The following CCDC40 variants were observed in gnomAD, a reference collection of about 807,000 sequenced individuals.
The protein encoded by CCDC40 is coiled-coil domain 40 molecular ruler complex subunit.
Under a neutral mutation model 124.5 loss-of-function variants are expected in CCDC40, and 104 were observed. The ratio of observed to expected loss-of-function variants is 0.84; its 90% confidence interval spans 0.71 to 0.98. CCDC40 has a LOEUF of 0.98. Ranked by LOEUF, CCDC40 falls within the 50% of genes least tolerant of loss-of-function variation. The pLI is 0.00. For missense variants in CCDC40, 1,463 were observed against 1,503.9 expected (o/e 0.97, Z 0.45); for synonymous variants, 580 against 602.9 (o/e 0.96, Z 0.56).
intron 10 of CCDC40, among the ~76,000 whole-genome samples, chr17:80,074,260 C>A (rs537277067): frequency 1.2e-4 from 18 of 152,278 alleles, no homozygotes; most frequent in African/African-American, 4.3e-4. Flanking sequence ...CCTGTAATCC[C>A]AGCACTTTGG....
intron 13 of CCDC40, 106 bp from the exon 14 acceptor site, chr17:80,085,897 T>TGAC: frequency 1.9e-6 from 2 of 1,025,838 alleles, no homozygotes; most frequent in Non-Finnish European, 3.1e-6. Context: ...CTTGAACTCC[T>TGAC]GACCTCGGGT....
intron 17 of CCDC40, 92 bp downstream of exon 17, chr17:80,089,976 G>C: frequency 6.4e-7 from 1 of 1,557,842 alleles, no homozygotes; most frequent in Non-Finnish European, 8.7e-7. Context: ...GCTCTCCCGG[G>C]GCTCCTGTGG....
intron 16 of CCDC40, among the ~76,000 whole-genome samples, chr17:80,089,346 T>A (rs946592484): frequency 6.6e-6 from 1 of 152,226 alleles, no homozygotes. Context: ...TGATAGAATC[T>A]AGGCAAAAAA....
At chr17:80,099,117 CT>C (rs1437099998) in intron 19 of CCDC40, among the ~76,000 whole-genome samples, 1 of 123,012 alleles carries the variant, frequency 8.1e-6, no homozygotes, top group African/African-American at 3.7e-5. Context: ...CCTGTCTCTA[CT>C]AAAAAAAAAA....
At chr17:80,071,441 C>T (rs2038184328) in intron 10 of CCDC40, among the ~76,000 whole-genome samples, 1 of 152,226 alleles carries the variant, frequency 6.6e-6, no homozygotes, top group South Asian at 2.1e-4. Flanking sequence ...CGGCCTTGAC[C>T]ACAGGCTGCT....
intron 9 of CCDC40, among the ~76,000 whole-genome samples, chr17:80,064,336 A>G (rs974367156): frequency 6.6e-6 from 1 of 152,146 alleles, no homozygotes; most frequent in African/African-American, 2.4e-5. Context: ...GGCGTTCTAC[A>G]GGACGCCCCA....
Position 80,095,373 on chromosome 17 carries a change from G to A in CCDC40, c.2943G>A (p.Met981Ile). The A allele has an allele frequency of 1.2e-6, 2 of 1,614,140 alleles. No individual in the cohort carries two copies. Among genetic ancestry groups the A allele is most frequent in the Non-Finnish European group, 1.7e-6 (2 of 1,180,056 alleles). Residue 981 changes from methionine (M) to isoleucine (I), a missense_variant, in exon 18 of 20, where the codon ATG becomes ATA. Coordinates refer to ENST00000397545, the MANE Select transcript of CCDC40 (RefSeq NM_017950.4). ...CCCAGGCCGAGGGGCAGCGCAAGAT[G>A]GACAGGAAGGCGCTCACCCGCACCG... ...VTTQAEGQRK[M>I]DRKALTRTDF...
At chr17:80,082,080 G>A in intron 12 of CCDC40, 22 bp downstream of exon 12, 1 of 1,610,758 alleles carries the variant, frequency 6.2e-7, no homozygotes, top group Non-Finnish European at 8.5e-7. Flanking sequence ...CCCCAGGGAG[G>A]GGCTGTGCGA....
chr17:80,050,058 G>T lies in CCDC40; in HGVS notation c.940-6G>T. The T allele has an allele frequency of 6.2e-7, 1 of 1,613,946 alleles. No individual in the cohort carries two copies. The highest frequency in any genetic ancestry group is 8.5e-7 in the Non-Finnish European group (1 of 1,179,958). ...CCTGGTGACCCTGTTTCTCTCTTTG[G>T]TCCAGGTTGTGGCTACCAAGCAGAG... On this transcript the variant is annotated splice_polypyrimidine_tract_variant and splice_region_variant and intron_variant, in intron 6 of 19. Transcript: ENST00000397545.
At chr17:80,080,308 C>T (rs990006334) in intron 10 of CCDC40, among the ~76,000 whole-genome samples, 10 of 152,164 alleles carry the variant, frequency 6.6e-5, no homozygotes, top group Admixed American at 1.3e-4. Flanking sequence ...CATGCTGAGG[C>T]GTAAGAATGA....
At chr17:80,052,735 G>A (rs2044104) in intron 7 of CCDC40, among the ~76,000 whole-genome samples, 48,517 of 151,844 alleles carry the variant, frequency 0.32, 10,548 homozygotes, top group African/African-American at 0.62. Context: ...TTTAGAGGAC[G>A]TTGTATCCGT....
At chr17:80,061,048 G>A (rs956137692) in intron 9 of CCDC40, among the ~76,000 whole-genome samples, 4 of 152,144 alleles carry the variant, frequency 2.6e-5, no homozygotes, top group African/African-American at 9.7e-5. Context: ...GAACCTTAAA[G>A]GAAAAGACTA....
In CCDC40 at chr17:80,084,935, G is replaced by A; in HGVS notation, c.2182G>A (p.Gly728Arg). ...CACGATCCTGATCGAGAGGAAGCAA[G>A]GGCTCATCAACTTCCTCAACAAGCA... ...RRTILIERKQ[G>R]LINFLNKQLE... The change falls in exon 13 of 20, where the codon GGG (glycine) becomes AGG (arginine). Residue 728 changes from glycine to arginine, a missense_variant. By Grantham distance (125) the Gly-to-Arg change is moderately radical. Coordinates refer to ENST00000397545, the MANE Select transcript of CCDC40 (RefSeq NM_017950.4). 6.2e-7 allele frequency: 1 copy of A among 1,614,006 alleles called. No homozygotes were observed. The highest frequency in any genetic ancestry group is 8.5e-7 in the Non-Finnish European group (1 of 1,179,972).
At chr17:80,067,744 C>T in intron 10 of CCDC40, 2 of 1,509,536 alleles carry the variant, frequency 1.3e-6, no homozygotes, top group Admixed American at 2.0e-5. Context: ...ATGTCTGGGT[C>T]TAGCGGGTAT....
chr17:80,043,980 T>A (rs2037350039), intron 3 of CCDC40, among the ~76,000 whole-genome samples: 1 of 152,136 alleles, frequency 6.6e-6, no homozygotes, highest in South Asian at 2.1e-4. Context: ...GTTTCAATTG[T>A]TCTGCGAGGG....
At chr17:80,057,410 C>T (rs1390445532) in intron 7 of CCDC40, among the ~76,000 whole-genome samples, 1 of 151,992 alleles carries the variant, frequency 6.6e-6, no homozygotes, top group Non-Finnish European at 1.5e-5. Context: ...CAAGTTTAAG[C>T]TGTATCCTTC....
intron 10 of CCDC40, among the ~76,000 whole-genome samples, chr17:80,069,886 A>T (rs1486802937): frequency 2.0e-5 from 3 of 152,270 alleles, no homozygotes; most frequent in African/African-American, 7.2e-5. Flanking sequence ...CTCAGTCCTG[A>T]TGATGGCAGA....
chr17:80,090,113 A>G (rs1479032697), intron 17 of CCDC40: 1 of 1,536,232 alleles, frequency 6.5e-7, no homozygotes, highest in Non-Finnish European at 8.7e-7. Context: ...CCCAGCTTTT[A>G]CCACACGCTT....
intron 10 of CCDC40, chr17:80,068,018 C>A (rs2038093328): frequency 9.7e-7 from 1 of 1,032,306 alleles, no homozygotes; most frequent in African/African-American, 1.7e-5. Context: ...AGGAGTGAGG[C>A]CCAACTTTTA....
Sources: gnomAD v4.1 joint callset for allele counts (sites outside exome capture counted in the v4.1 genomes callset) on GRCh38, gnomAD v4.1.1 for gene constraint, MANE v1.5 for transcripts, NCBI Gene and HGNC (gene_info 2026-07-23, HGNC 2026-07-21) for gene names.